The following AGBL1 variants were observed in gnomAD, a reference collection of about 807,000 sequenced individuals.
AGBL1 encodes the protein cytosolic carboxypeptidase 4.
In AGBL1, 130 loss-of-function variants were observed where a neutral mutation model predicts 118.9. The ratio of observed to expected loss-of-function variants is 1.09; its 90% confidence interval spans 0.95 to 1.26. AGBL1 has a LOEUF of 1.26. AGBL1 is among the 50% of genes most tolerant of loss of function. The pLI, the probability that AGBL1 is intolerant of heterozygous loss-of-function variation, is 0.00. For synonymous variants in AGBL1, 555 were observed against 478.9 expected (o/e 1.16, Z -2.08); for missense variants, 1,584 against 1,298.1 (o/e 1.22, Z -3.38).
chr15:86,147,291 A>G (rs1318954286), intron 3 of AGBL1, among the ~76,000 whole-genome samples: 1 of 152,222 alleles, frequency 6.6e-6, no homozygotes, highest in Non-Finnish European at 1.5e-5. Flanking sequence ...ATGGAGGGCA[A>G]GCTGAAGCAG....
intron 22 of AGBL1, among the ~76,000 whole-genome samples, chr15:86,736,414 C>T (rs1316462277): frequency 2.0e-5 from 3 of 152,018 alleles, no homozygotes; most frequent in South Asian, 2.1e-4. Flanking sequence ...CTATATTATG[C>T]TAGATACTCT....
intron 22 of AGBL1, among the ~76,000 whole-genome samples, chr15:86,814,895 A>G (rs1332833085): frequency 6.6e-6 from 1 of 152,178 alleles, no homozygotes; most frequent in African/African-American, 2.4e-5. Context: ...GCCTGACGAA[A>G]TGCATTAAAG....
At chr15:86,309,375 T>C (rs1459819562) in intron 17 of AGBL1, among the ~76,000 whole-genome samples, 4 of 152,218 alleles carry the variant, frequency 2.6e-5, no homozygotes, top group Non-Finnish European at 5.9e-5. Context: ...ACTTCTTTCT[T>C]TCCAATTAGG....
At chr15:86,654,832 T>C (rs957558097) in intron 21 of AGBL1, among the ~76,000 whole-genome samples, 4 of 152,286 alleles carry the variant, frequency 2.6e-5, no homozygotes, top group South Asian at 2.1e-4. Context: ...CTTTCCTGAC[T>C]AAAGATGCCA....
chr15:86,620,548 A>C (rs28532744), intron 21 of AGBL1, among the ~76,000 whole-genome samples: 4,801 of 152,140 alleles, frequency 0.032, 246 homozygotes, highest in African/African-American at 0.1. Flanking sequence ...TTCCCCAGTG[A>C]CCTTAATTAT....
chr15:86,674,759 A>G (rs1003709225), intron 22 of AGBL1, among the ~76,000 whole-genome samples: 1 of 152,202 alleles, frequency 6.6e-6, no homozygotes, highest in Non-Finnish European at 1.5e-5. Flanking sequence ...TTATATGTAT[A>G]CAGATAACAT....
intron 19 of AGBL1, among the ~76,000 whole-genome samples, chr15:86,539,966 G>A (rs1230514023): frequency 6.6e-6 from 1 of 152,158 alleles, no homozygotes; most frequent in East Asian, 1.9e-4. Context: ...ATATAGAAAT[G>A]AAAAGTGTTT....
intron 23 of AGBL1, among the ~76,000 whole-genome samples, chr15:86,980,644 G>A (rs1218297015): frequency 2.0e-5 from 3 of 151,996 alleles, no homozygotes; most frequent in Non-Finnish European, 2.9e-5. Context: ...CTCAAAAATG[G>A]ACAAAAACGT....
At chr15:86,620,806 GCTC>G (rs1232337221) in intron 21 of AGBL1, among the ~76,000 whole-genome samples, 1 of 151,610 alleles carries the variant, frequency 6.6e-6, no homozygotes, top group Admixed American at 6.6e-5. Flanking sequence ...AATGATATTA[GCTC>G]CTTTTTTTTT....
chr15:86,949,607 A>G (rs1332179060), intron 23 of AGBL1, among the ~76,000 whole-genome samples: 1 of 152,168 alleles, frequency 6.6e-6, no homozygotes, highest in African/African-American at 2.4e-5. Flanking sequence ...AAGGGGTTAC[A>G]TAATAACAAA....
At chr15:86,609,540 C>T (rs776702314) in intron 21 of AGBL1, among the ~76,000 whole-genome samples, 3 of 152,106 alleles carry the variant, frequency 2.0e-5, no homozygotes, top group Non-Finnish European at 4.4e-5. Context: ...TTGACCTATT[C>T]TTGGGTTTAA....
chr15:86,943,010 C>T (rs1367811347), intron 23 of AGBL1, among the ~76,000 whole-genome samples: 1 of 152,208 alleles, frequency 6.6e-6, no homozygotes, highest in Non-Finnish European at 1.5e-5. Context: ...CTGCTCAACT[C>T]CTTATTCAAT....
intron 23 of AGBL1, among the ~76,000 whole-genome samples, chr15:86,958,206 T>TAAAAAA (rs545565434): frequency 8.0e-6 from 1 of 125,194 alleles, no homozygotes; most frequent in African/African-American, 3.0e-5. Flanking sequence ...TCTTGTTTCT[T>TAAAAAA]AAAAAAAAAA....
intron 22 of AGBL1, among the ~76,000 whole-genome samples, chr15:86,828,020 AC>A: frequency 7.5e-6 from 1 of 133,642 alleles, no homozygotes; most frequent in East Asian, 2.4e-4. Context: ...AGTCACTGCA[AC>A]CTTAAACTCC....
intron 22 of AGBL1, among the ~76,000 whole-genome samples, chr15:86,849,340 G>T (rs913793380): frequency 6.6e-6 from 1 of 152,146 alleles, no homozygotes; most frequent in East Asian, 1.9e-4. Context: ...TGCTATGCAC[G>T]CTGGGATCAC....
intron 18 of AGBL1, among the ~76,000 whole-genome samples, chr15:86,462,292 T>A (rs2082343887): frequency 6.6e-6 from 1 of 151,694 alleles, no homozygotes; most frequent in African/African-American, 2.4e-5. Context: ...AATGATGACG[T>A]CCTTAGTAGC....
At chr15:86,472,259 A>G (rs1476510951) in intron 18 of AGBL1, among the ~76,000 whole-genome samples, 1 of 152,248 alleles carries the variant, frequency 6.6e-6, no homozygotes, top group East Asian at 1.9e-4. Context: ...GAGGATTCAT[A>G]TCAGAAAGAC....
chr15:86,466,289 T>C (rs549244891), intron 18 of AGBL1, among the ~76,000 whole-genome samples: 4 of 152,210 alleles, frequency 2.6e-5, no homozygotes, highest in African/African-American at 9.6e-5. Context: ...GATTTGTCTA[T>C]TGATACTTGC....
chr15:87,022,079 A>G (rs1328718445), intron 24 of AGBL1, among the ~76,000 whole-genome samples: 1 of 152,120 alleles, frequency 6.6e-6, no homozygotes, highest in Non-Finnish European at 1.5e-5. Flanking sequence ...AGGAAGCCAC[A>G]TCCATAGGAA....
Sources: gnomAD v4.1 joint callset for allele counts (sites outside exome capture counted in the v4.1 genomes callset) on GRCh38, gnomAD v4.1.1 for gene constraint, MANE v1.5 for transcripts, NCBI Gene and HGNC (gene_info 2026-07-23, HGNC 2026-07-21) for gene names.